LCT: variants seen among roughly 807,000 people sequenced by gnomAD.
The protein encoded by LCT is lactase/phlorizin hydrolase.
Under a neutral mutation model 173.0 loss-of-function variants are expected in LCT, and 90 were observed. The observed-to-expected ratio is 0.52, with a 90% CI of 0.44 to 0.62. The LOEUF (loss-of-function observed/expected upper bound fraction) is 0.62, where lower values mean the gene tolerates loss of function less well. LCT is among the 20% of genes least tolerant of loss of function. The pLI, the probability that LCT is intolerant of heterozygous loss-of-function variation, is 0.00. For synonymous variants in LCT, 853 were observed against 957.6 expected, an observed-to-expected ratio of 0.89 and a Z score of 2.02; for missense variants, 1,864 against 2,431.4, an observed-to-expected ratio of 0.77 and a Z score of 4.91.
chr2:135,802,754 A>T (rs2077637043), intron 11 of LCT, among the ~76,000 whole-genome samples: 1 of 152,184 alleles, frequency 6.6e-6, no homozygotes, highest in South Asian at 2.1e-4. Context: ...TAACGGATAC[A>T]AAGTTAAGCT....
chr2:135,803,913 C>T lies in LCT; in HGVS notation c.4663+17G>A, dbSNP rs781559397. Reference sequence around the variant, plus strand: ...TGCCATGATTCAAAGAGCCTATGAGCCAGGGCTGGGACTTACCTGGAGCTG... The same window carrying T: ...TGCCATGATTCAAAGAGCCTATGAGTCAGGGCTGGGACTTACCTGGAGCTG... On this transcript the variant is annotated intron_variant, in intron 11 of 16. Transcript: ENST00000264162. 6.2e-7 allele frequency: 1 copy of T among 1,609,192 alleles called. No individual in the cohort carries two copies. The highest frequency in any genetic ancestry group is 8.5e-7 in the Non-Finnish European group (1 of 1,176,568).
At position 135,808,723 on chromosome 2, in the gene LCT, C is replaced by A. The variant is rs769747422; in HGVS notation, c.3624G>T (p.Thr1208=). 6 of 1,614,182 alleles carry A rather than the reference C, an allele frequency of 3.7e-6. No homozygotes were observed. The Admixed American group carries it at 8.3e-5, about 22-fold the overall frequency. The part of the protein sequence containing the change: ...RATADVFCLN[T]YYSRIVQHKT... Reference sequence around the variant, plus strand: ...TGTGCTGCACGATTCTGGAGTAGTACGTGTTGAGGCAGAAGACGTCGGCCG... The same window carrying A: ...TGTGCTGCACGATTCTGGAGTAGTAAGTGTTGAGGCAGAAGACGTCGGCCG... The change falls in exon 8 of 17, where the codon ACG becomes ACT. Residue 1208 remains threonine, a synonymous_variant. Coordinates refer to ENST00000264162, the MANE Select transcript of LCT (RefSeq NM_002299.4).
intron 3 of LCT, among the ~76,000 whole-genome samples, chr2:135,829,030 A>G (rs1169911114): frequency 2.0e-5 from 3 of 152,128 alleles, no homozygotes; most frequent in Non-Finnish European, 4.4e-5. Context: ...GCCTCTACCA[A>G]AAATACAAAA....
At chr2:135,815,323 G>GC (rs2077770092) in intron 6 of LCT, among the ~76,000 whole-genome samples, 1 of 152,190 alleles carries the variant, frequency 6.6e-6, no homozygotes, top group Admixed American at 6.5e-5. Context: ...TATCTCAAGA[G>GC]CCACAGTTCA....
At chr2:135,805,120 T>A (rs1382877827) in intron 9 of LCT, 63 bp from the exon 10 acceptor site, 1 of 1,466,040 alleles carries the variant, frequency 6.8e-7, no homozygotes, top group African/African-American at 1.4e-5. Context: ...CCTCCTTTCT[T>A]TCACTGGGTG....
At chr2:135,825,091 A>G (rs1009220322) in intron 3 of LCT, among the ~76,000 whole-genome samples, 2 of 152,138 alleles carry the variant, frequency 1.3e-5, no homozygotes, top group African/African-American at 2.4e-5. Context: ...CCATTTCAGT[A>G]TCAAGGAAAA....
chr2:135,810,508 A>C (rs1450666297), intron 7 of LCT, among the ~76,000 whole-genome samples: 1 of 152,168 alleles, frequency 6.6e-6, no homozygotes, highest in Non-Finnish European at 1.5e-5. Context: ...AAACCAAAGG[A>C]GCATCCCCAT....
Position 135,799,377 on chromosome 2 carries a change from A to C in LCT, c.4866+1230T>G, listed in dbSNP as rs368016411. Among the ~76,000 whole-genome samples the C allele has an allele frequency of 3.9e-4, 60 of 152,332 alleles. 1 individual carries two copies. Among genetic ancestry groups the C allele is most frequent in the Middle Eastern group, 3.4e-3 (1 of 292 alleles). On this transcript the variant is annotated intron_variant, in intron 12 of 16. Transcript: ENST00000264162. ...CTTCTATCCCTTTCTAGGAGGAGCC[A>C]GAGGAGCTGTGCCGTGAACGAGGAT...
Position 135,812,632 on chromosome 2 carries a change from C to G in LCT, c.2032G>C (p.Ala678Pro). ...TAATGCGACAGACCCAGAAAATCAG[C>G]AGAGCCTTTCAGGAGCTGCTTCTCT... Reference protein sequence around the residue: ...EAEKQLLKGSADFLGLSHYTS... With the variant: ...EAEKQLLKGSPDFLGLSHYTS... The change falls in exon 7 of 17, where the codon GCT (alanine) becomes CCT (proline). Residue 678 changes from alanine to proline, a missense_variant. By Grantham distance (27) the Ala-to-Pro change is conservative. Coordinates refer to ENST00000264162, the MANE Select transcript of LCT (RefSeq NM_002299.4). The G allele has an allele frequency of 6.2e-7, 1 of 1,611,154 alleles. No homozygotes were observed. Among genetic ancestry groups the G allele is most frequent in the Non-Finnish European group, 8.5e-7 (1 of 1,177,462 alleles).
intron 16 of LCT, 91 bp downstream of exon 16, chr2:135,789,480 G>C: frequency 1.2e-6 from 1 of 851,416 alleles, no homozygotes; most frequent in Non-Finnish European, 2.0e-6. Context: ...GCAGAGAGGA[G>C]GGTAATAAAC....
chr2:135,812,991 G>A, intron 6 of LCT, 35 bp from the exon 7 acceptor site: 2 of 1,589,848 alleles, frequency 1.3e-6, no homozygotes, highest in Non-Finnish European at 1.7e-6. Flanking sequence ...ACAGTGATTA[G>A]TAATAATAAC....
At chr2:135,824,599 T>C (rs1442452542) in intron 3 of LCT, among the ~76,000 whole-genome samples, 2 of 152,144 alleles carry the variant, frequency 1.3e-5, no homozygotes, top group Non-Finnish European at 2.9e-5. Context: ...ATAGGTTAGG[T>C]GAAAGAAGAT....
intron 12 of LCT, among the ~76,000 whole-genome samples, chr2:135,798,543 G>A (rs1575333388): frequency 6.6e-6 from 1 of 152,210 alleles, no homozygotes; most frequent in Non-Finnish European, 1.5e-5. Context: ...TCATCAAAGT[G>A]CCCAAGGAGC....
chr2:135,813,347 C>G (rs540085522), intron 6 of LCT, among the ~76,000 whole-genome samples: 2 of 152,080 alleles, frequency 1.3e-5, no homozygotes, highest in South Asian at 4.1e-4. Flanking sequence ...CAAGTGAACA[C>G]CAATGTGAAA....
rs1262574740 is a variant in LCT, at chr2:135,817,515, C to T, written c.1533G>A (p.Gln511=). Residue 511 remains glutamine (Q), a synonymous_variant, in exon 6 of 17, where the codon CAG becomes CAA. Transcript: ENST00000264162. Reference sequence around the variant, plus strand: ...GGAAGGCATCCACCACGCTCTCATTCTGCCATCCACCATGATCCTGCAGGG... The same window carrying T: ...GGAAGGCATCCACCACGCTCTCATTTTGCCATCCACCATGATCCTGCAGGG... ...PQALQDHGGW[Q]NESVVDAFLD... is the part of the protein sequence containing the mutation. The T allele has an allele frequency of 6.2e-7, 1 of 1,614,110 alleles. No homozygotes were observed. The highest frequency in any genetic ancestry group is 1.7e-5 in the Admixed American group (1 of 60,010).
rs753310680 is a variant in LCT, at chr2:135,808,605, C to T, written c.3742G>A (p.Ala1248Thr). The T allele has an allele frequency of 1.9e-6, 3 of 1,614,256 alleles. No homozygotes were observed. The South Asian group carries it at 3.3e-5, about 18-fold the overall frequency. The change falls in exon 8 of 17, where the codon GCT becomes ACT. Residue 1248 changes from alanine to threonine, a missense_variant. By Grantham distance (58) the Ala-to-Thr change is moderately conservative. Around this residue, in one of 4 missense-constraint regions of LCT, gnomAD observed 755 missense variants for 926.3 expected, o/e 0.82. Coordinates refer to ENST00000264162, the MANE Select transcript of LCT (RefSeq NM_002299.4). ...PSWPSTAMNR[A>T]APWGTRRLLN... The stretch of plus-strand genomic sequence containing the variant: ...AGCCTTCGCGTCCCCCAGGGCGCAG[C>T]TCTGTTCATTGCCGTGGAAGGCCAC...
chr2:135,826,402 CAA>C (rs373224567), intron 3 of LCT, among the ~76,000 whole-genome samples: 1,341 of 103,654 alleles, frequency 0.013, 20 homozygotes, highest in African/African-American at 0.035. Flanking sequence ...GCTACAAATA[CAA>C]AAAAAAAAAA....
At chr2:135,834,832 C>T (rs1007767519) in intron 1 of LCT, among the ~76,000 whole-genome samples, 1 of 117,096 alleles carries the variant, frequency 8.5e-6, no homozygotes, top group Non-Finnish European at 1.8e-5. Context: ...AAATGTTTAA[C>T]GTCTCTATAA....
chr2:135,826,496 G>C (rs571005456), intron 3 of LCT, among the ~76,000 whole-genome samples: 4 of 151,984 alleles, frequency 2.6e-5, no homozygotes, highest in African/African-American at 7.3e-5. Context: ...AACCCCAGAG[G>C]TGCAGGTTGC....
Sources: gnomAD v4.1 joint callset for allele counts (sites outside exome capture counted in the v4.1 genomes callset) on GRCh38, gnomAD v4.1.1 for gene constraint, gnomAD v4.1.1 regional missense constraint, MANE v1.5 for transcripts, NCBI Gene and HGNC (gene_info 2026-07-23, HGNC 2026-07-21) for gene names.